The following CECR2 variants were observed in gnomAD, a reference collection of about 807,000 sequenced individuals.
CECR2 encodes CECR2 histone acetyl-lysine reader.
Under a neutral mutation model 154.5 loss-of-function variants are expected in CECR2, and 30 were observed. The observed-to-expected ratio is 0.19, with a 90% CI of 0.15 to 0.26. The LOEUF is 0.26. CECR2 is among the 10% of genes least tolerant of loss of function. The probability of loss-of-function intolerance (pLI) is 1.00; values close to 1 mark genes in which losing one functional copy is unlikely to be tolerated. For missense variants in CECR2, 1,743 were observed against 1,829.3 expected, an observed-to-expected ratio of 0.95 and a Z score of 0.86; for synonymous variants, 725 against 683.7, an observed-to-expected ratio of 1.06 and a Z score of -0.94.
chr22:17,485,611 GTAT>G (rs1466696396), intron 2 of CECR2, among the ~76,000 whole-genome samples: 2 of 151,918 alleles, frequency 1.3e-5, no homozygotes, highest in African/African-American at 4.8e-5. Context: ...TCTACAAAAA[GTAT>G]TATACAAAAA....
At chr22:17,377,216 T>C (rs2063128804) in intron 1 of CECR2, among the ~76,000 whole-genome samples, 1 of 152,202 alleles carries the variant, frequency 6.6e-6, no homozygotes, top group African/African-American at 2.4e-5. Context: ...AAACTGCAAA[T>C]CCATACTTGG....
intron 8 of CECR2, among the ~76,000 whole-genome samples, chr22:17,512,324 A>G (rs1395293494): frequency 6.6e-6 from 1 of 152,274 alleles, no homozygotes; most frequent in South Asian, 2.1e-4. Context: ...ATCCCACACT[A>G]CAGGAGTAGT....
chr22:17,366,323 G>C (rs2084392255), upstream of CECR2, among the ~76,000 whole-genome samples: 1 of 152,164 alleles, frequency 6.6e-6, no homozygotes, highest in South Asian at 2.1e-4. Flanking sequence ...GAGTAGCTGG[G>C]AGTACAGGGG....
At chr22:17,478,606 C>T (rs188341320) in intron 2 of CECR2, among the ~76,000 whole-genome samples, 31 of 152,264 alleles carry the variant, frequency 2.0e-4, no homozygotes, top group Middle Eastern at 3.4e-3. Flanking sequence ...CTGCCCGCCT[C>T]GACCTCACAA....
chr22:17,450,209 AT>A (rs2054746109), intron 1 of CECR2, among the ~76,000 whole-genome samples: 1 of 152,216 alleles, frequency 6.6e-6, no homozygotes, highest in African/African-American at 2.4e-5. Flanking sequence ...GTTTAGATTC[AT>A]TTGAGGAAAA....
intron 2 of CECR2, among the ~76,000 whole-genome samples, chr22:17,491,884 A>G (rs920551370): frequency 1.3e-5 from 2 of 152,008 alleles, no homozygotes; most frequent in South Asian, 2.1e-4. Context: ...CCTTAACCAT[A>G]TTTTCCTTTA....
chr22:17,495,184 G>A (rs962580809), intron 2 of CECR2, among the ~76,000 whole-genome samples: 1 of 152,134 alleles, frequency 6.6e-6, no homozygotes, highest in Non-Finnish European at 1.5e-5. Flanking sequence ...CAAGCATGAG[G>A]TAAATTAGAT....
At chr22:17,457,039 TTTGA>T (rs1207018013) in intron 1 of CECR2, among the ~76,000 whole-genome samples, 1 of 152,260 alleles carries the variant, frequency 6.6e-6, no homozygotes, top group African/African-American at 2.4e-5. Flanking sequence ...AGTTTGTTTG[TTTGA>T]GACAGAATTT....
At chr22:17,377,224 T>C (rs149888853) in intron 1 of CECR2, among the ~76,000 whole-genome samples, 61 of 152,276 alleles carry the variant, frequency 4.0e-4, no homozygotes, top group African/African-American at 1.3e-3. Flanking sequence ...AATCCATACT[T>C]GGTGTGTTTG....
intron 1 of CECR2, among the ~76,000 whole-genome samples, chr22:17,447,174 A>G (rs897907364): frequency 4.0e-5 from 6 of 151,470 alleles, no homozygotes; most frequent in Non-Finnish European, 5.9e-5. Flanking sequence ...AGCTGGGACT[A>G]CAGGTGCTGG....
chr22:17,367,407 C>T (rs1184821009), upstream of CECR2, among the ~76,000 whole-genome samples: 1 of 151,734 alleles, frequency 6.6e-6, no homozygotes, highest in South Asian at 2.1e-4. Flanking sequence ...TTTTTTGAGA[C>T]GGAGTCTCAC....
intron 1 of CECR2, among the ~76,000 whole-genome samples, chr22:17,420,497 C>T (rs1345368540): frequency 2.6e-5 from 4 of 152,126 alleles, no homozygotes; most frequent in Non-Finnish European, 5.9e-5. Flanking sequence ...ACCACTCATT[C>T]AATTTTGTTT....
At chr22:17,523,755 C>CAAAAAAAAAA (rs66963477) in intron 8 of CECR2, among the ~76,000 whole-genome samples, 1 of 101,166 alleles carries the variant, frequency 9.9e-6, no homozygotes, top group African/African-American at 3.7e-5. Context: ...GACTCTATCT[C>CAAAAAAAAAA]AAAAAAAAAA....
rs202115267 is a variant in CECR2 at position 17,453,320 on chromosome 22, TA to T, written c.127-24266del. ...AACTGGACACGGTGGCGTATGCCTG[TA>T]ATCCCAGCTACTCGGGAAGCTGAGG... is the stretch of plus-strand genomic sequence containing the variant. On this transcript the variant is annotated intron_variant, in intron 1 of 18. Transcript: ENST00000262608. Among the ~76,000 whole-genome samples, 1,065 of 152,212 alleles carry T rather than the reference TA, an allele frequency of 7.0e-3. 14 individuals carry two copies. Among genetic ancestry groups the T allele is most frequent in the African/African-American group, 0.024 (978 of 41,516 alleles).
Position 17,548,903 on chromosome 22 carries a change from C to A in CECR2, c.3616C>A (p.Pro1206Thr), listed in dbSNP as rs751791902. 6.2e-7 allele frequency: 1 copy of A among 1,613,404 alleles called. No homozygotes were observed. Among genetic ancestry groups the A allele is most frequent in the South Asian group, 1.1e-5 (1 of 91,022 alleles). ...TCAGCGAACTCCTTACTATGCCTGT[C>A]CACAGAGCTTTTCTGACTGGCAGAG... is the stretch of plus-strand genomic sequence containing the variant. The part of the protein sequence containing the change: ...HYQRTPYYAC[P>T]QSFSDWQRPL... The change falls in exon 17 of 19, where the codon CCA becomes ACA. Residue 1206 changes from proline to threonine, a missense_variant. Transcript: ENST00000262608.
At chr22:17,480,462 AG>A (rs1330769683) in intron 2 of CECR2, among the ~76,000 whole-genome samples, 53 of 151,808 alleles carry the variant, frequency 3.5e-4, no homozygotes, top group Non-Finnish European at 6.9e-4. Flanking sequence ...ACACACACAG[AG>A]AAAAGTGCTC....
intron 1 of CECR2, among the ~76,000 whole-genome samples, chr22:17,465,060 G>A (rs1397147059): frequency 1.4e-5 from 2 of 146,846 alleles, no homozygotes; most frequent in East Asian, 2.0e-4. Context: ...GCAGTGGCGC[G>A]ATCTCAGCTC....
At chr22:17,434,740 T>G (rs5992704) in intron 1 of CECR2, among the ~76,000 whole-genome samples, 3,675 of 152,076 alleles carry the variant, frequency 0.024, 154 homozygotes, top group African/African-American at 0.083. Context: ...TTGTGGTCAT[T>G]TTGGGTGTGG....
Position 17,557,057 on chromosome 22 carries a change from G to A in CECR2, c.*4217G>A, listed in dbSNP as rs1430735852. ...TCTTTTTTGGGTTGGACTCTGCCGT[G>A]CAGCCATAGGACACCAAGCCTCACG... On this transcript the variant is annotated 3_prime_UTR_variant, in exon 19 of 19. Transcript: ENST00000262608. 2 of 152,068 alleles carry A rather than the reference G, an allele frequency of 1.3e-5. No homozygotes were observed. The highest frequency in any genetic ancestry group is 4.8e-5 in the African/African-American group (2 of 41,462). 9.4% of individuals were successfully genotyped at this position (152,068 alleles called of 1,614,324 possible). A position where few individuals can be genotyped will look rare whatever the true frequency, so the allele number is the denominator to read the frequency against.
Sources: gnomAD v4.1 joint callset for allele counts (sites outside exome capture counted in the v4.1 genomes callset) on GRCh38, gnomAD v4.1.1 for gene constraint, MANE v1.5 for transcripts, NCBI Gene and HGNC (gene_info 2026-07-23, HGNC 2026-07-21) for gene names.